UHRF2: variants seen among roughly 807,000 people sequenced by gnomAD.
The protein encoded by UHRF2 is E3 ubiquitin-protein ligase UHRF2.
Under a neutral mutation model 96.8 loss-of-function variants are expected in UHRF2, and 23 were observed. That is an observed-to-expected ratio of 0.24 (90% CI 0.17 to 0.34). The LOEUF (loss-of-function observed/expected upper bound fraction) is 0.34, where lower values mean the gene tolerates loss of function less well. Ranked by LOEUF, UHRF2 falls within the 10% of genes least tolerant of loss-of-function variation. The probability of loss-of-function intolerance (pLI) is 1.00; values close to 1 mark genes in which losing one functional copy is unlikely to be tolerated. For missense variants in UHRF2, 685 were observed against 981.5 expected, an observed-to-expected ratio of 0.70 and a Z score of 4.04; for synonymous variants, 385 against 332.6, an observed-to-expected ratio of 1.16 and a Z score of -1.72.
chr9:6,461,394 C>G (rs1008937618), intron 4 of UHRF2, among the ~76,000 whole-genome samples: 2 of 129,692 alleles, frequency 1.5e-5, no homozygotes, highest in Admixed American at 7.9e-5. Context: ...TCTCCTCCCC[C>G]CCGCCCCTTG....
intron 1 of UHRF2, 70 bp downstream of exon 1, chr9:6,413,713 G>T: frequency 7.3e-7 from 1 of 1,376,304 alleles, no homozygotes; most frequent in Admixed American, 3.4e-5. Context: ...GGACGCACCG[G>T]TCCGAGGGCT....
chr9:6,473,803 A>G (rs1823393580), intron 4 of UHRF2, among the ~76,000 whole-genome samples: 2 of 152,310 alleles, frequency 1.3e-5, no homozygotes, highest in South Asian at 4.1e-4. Context: ...GTTCTAATAA[A>G]ACTTTATTTT....
chr9:6,450,967 A>G (rs554256217), intron 3 of UHRF2, among the ~76,000 whole-genome samples: 2 of 152,340 alleles, frequency 1.3e-5, no homozygotes, highest in African/African-American at 4.8e-5. Flanking sequence ...AGGAAATAAT[A>G]CTTAAATATA....
intron 4 of UHRF2, among the ~76,000 whole-genome samples, chr9:6,463,501 C>T (rs531010353): frequency 1.1e-4 from 17 of 150,260 alleles, no homozygotes; most frequent in Admixed American, 3.3e-4. Flanking sequence ...GATGGGGTCT[C>T]GCTCTGTTGC....
At chr9:6,414,602 C>A (rs1445252485) in intron 1 of UHRF2, among the ~76,000 whole-genome samples, 1 of 152,178 alleles carries the variant, frequency 6.6e-6, no homozygotes, top group Non-Finnish European at 1.5e-5. Flanking sequence ...GTTGTTAATA[C>A]ACTAAAAAGT....
At chr9:6,444,547 G>A (rs1404630774) in intron 3 of UHRF2, among the ~76,000 whole-genome samples, 2 of 152,188 alleles carry the variant, frequency 1.3e-5, no homozygotes, top group Non-Finnish European at 2.9e-5. Context: ...TTCCTGAGGG[G>A]ACCCTCTCTC....
intron 3 of UHRF2, among the ~76,000 whole-genome samples, chr9:6,452,557 G>A (rs1053628884): frequency 6.6e-5 from 10 of 152,226 alleles, no homozygotes; most frequent in Non-Finnish European, 1.3e-4. Context: ...ATGGGGAAGT[G>A]TGTTGGGCCT....
intron 3 of UHRF2, among the ~76,000 whole-genome samples, chr9:6,441,736 T>G (rs1034767789): frequency 1.4e-5 from 2 of 142,274 alleles, no homozygotes; most frequent in African/African-American, 2.9e-5. Context: ...TTGTGGCCGG[T>G]TTTTTTTTTC....
intron 3 of UHRF2, among the ~76,000 whole-genome samples, chr9:6,435,558 A>G (rs1334337216): frequency 6.6e-6 from 1 of 152,122 alleles, no homozygotes; most frequent in Non-Finnish European, 1.5e-5. Context: ...GAAATCTCAT[A>G]CTGATTATCA....
chr9:6,421,577 C>T (rs190071019), intron 2 of UHRF2, among the ~76,000 whole-genome samples: 19 of 152,132 alleles, frequency 1.2e-4, no homozygotes, highest in East Asian at 9.7e-4. Context: ...CCACCACGCC[C>T]GGCTAATTTT....
intron 2 of UHRF2, among the ~76,000 whole-genome samples, chr9:6,424,510 C>T (rs1375071483): frequency 6.6e-6 from 1 of 152,134 alleles, no homozygotes; most frequent in African/African-American, 2.4e-5. Flanking sequence ...GTTACCACCT[C>T]CATCATTACT....
chr9:6,433,213 C>A (rs1162468080), intron 2 of UHRF2, among the ~76,000 whole-genome samples: 1 of 152,138 alleles, frequency 6.6e-6, no homozygotes, highest in African/African-American at 2.4e-5. Context: ...CTCTGATACA[C>A]CTGTTTTTTA....
chr9:6,491,858 A>C (rs1257900066), intron 9 of UHRF2, among the ~76,000 whole-genome samples: 1 of 152,220 alleles, frequency 6.6e-6, no homozygotes, highest in East Asian at 1.9e-4. Flanking sequence ...TAGAAGATGC[A>C]ACAAATTTAG....
At chr9:6,498,898 A>G (rs1003490080) in intron 12 of UHRF2, 2 of 152,202 alleles carry the variant, frequency 1.3e-5, no homozygotes, top group East Asian at 1.9e-4. Context: ...GGGCTGAACT[A>G]TGGGCAAGTG....
rs779173390 is a variant in UHRF2 at position 6,475,391 on chromosome 9, G to T, written c.864G>T (p.Gly288=). ...TAACCTTTCTTCCTTTTTTAAACAG[G>T]GGTTCTGAAGGAACATTAAATGACT... The part of the protein sequence containing the change: ...KKELRVKIFL[G]GSEGTLNDCK... The change falls in exon 5 of 16, where the codon GGG becomes GGT. Residue 288 remains glycine (G), a splice_region_variant and synonymous_variant. Transcript: ENST00000276893. The T allele has an allele frequency of 1.3e-6, 2 of 1,516,718 alleles. No individual in the cohort carries two copies. Among genetic ancestry groups the T allele is most frequent in the African/African-American group, 1.4e-5 (1 of 71,034 alleles). 94.0% of individuals were successfully genotyped at this position (1,516,718 alleles called of 1,614,324 possible).
intron 2 of UHRF2, among the ~76,000 whole-genome samples, chr9:6,423,986 G>A (rs934455685): frequency 3.4e-5 from 4 of 116,432 alleles, no homozygotes; most frequent in Admixed American, 9.7e-5. Flanking sequence ...TTGATAAGAG[G>A]AATAGACAGA....
Position 6,471,032 on chromosome 9 carries a change from A to G in UHRF2, c.864-4359A>G, listed in dbSNP as rs548412900. 1.2e-3 allele frequency among the ~76,000 whole-genome samples: 182 copies of G among 152,344 alleles called. 1 individual carries two copies. The highest frequency in any genetic ancestry group is 4.3e-3 in the African/African-American group (177 of 41,582). The stretch of plus-strand genomic sequence containing the variant: ...TACTCTTAAGAAAGACTCCTTAAAT[A>G]TAAAATCACAGAAGTTGAAAAGAGG... On this transcript the variant is annotated intron_variant, in intron 4 of 15. Transcript: ENST00000276893.
At chr9:6,504,449 A>G (rs1816477997) in intron 14 of UHRF2, 144 bp from the exon 15 acceptor site, 1 of 543,702 alleles carries the variant, frequency 1.8e-6, no homozygotes, top group East Asian at 3.0e-5. Flanking sequence ...GGGTAATTGG[A>G]ATGTTCATCA....
At chr9:6,465,402 A>G (rs1317162140) in intron 4 of UHRF2, among the ~76,000 whole-genome samples, 6 of 152,162 alleles carry the variant, frequency 3.9e-5, no homozygotes, top group African/African-American at 1.4e-4. Context: ...AATGTTTGGT[A>G]GAACTTCTCA....
Sources: gnomAD v4.1 joint callset for allele counts (sites outside exome capture counted in the v4.1 genomes callset) on GRCh38, gnomAD v4.1.1 for gene constraint, MANE v1.5 for transcripts, NCBI Gene and HGNC (gene_info 2026-07-23, HGNC 2026-07-21) for gene names.